Variants in PCDHA1 observed in about 807,000 individuals in gnomAD.
The protein encoded by PCDHA1 is protocadherin alpha 1, also known as protocadherin alpha-1.
PCDHA1 carries 42 observed loss-of-function variants against 61.3 expected under a neutral mutation model. That is an observed-to-expected ratio of 0.69 (90% CI 0.54 to 0.89). The LOEUF (loss-of-function observed/expected upper bound fraction) is 0.89, where lower values mean the gene tolerates loss of function less well. PCDHA1 is among the 40% of genes least tolerant of loss of function. PCDHA1 has a pLI of 0.00. For synonymous variants in PCDHA1, 610 were observed against 553.8 expected (o/e 1.10, Z -1.43); for missense variants, 1,256 against 1,235.3 (o/e 1.02, Z -0.25).
chr5:140,876,118 G>T, intron 1 of PCDHA1: 1 of 1,613,926 alleles, frequency 6.2e-7, no homozygotes, highest in South Asian at 1.1e-5. Context: ...GATGGTAATC[G>T]ATGGCGGTAA....
At chr5:140,808,138 A>G in intron 1 of PCDHA1, 1 of 1,614,100 alleles carries the variant, frequency 6.2e-7, no homozygotes, top group Non-Finnish European at 8.5e-7. Context: ...AATCCTATGA[A>G]ATTATTGTAG....
intron 1 of PCDHA1, chr5:140,871,391 C>T: frequency 6.2e-7 from 1 of 1,614,170 alleles, no homozygotes; most frequent in Non-Finnish European, 8.5e-7. Flanking sequence ...GAGGAGGGCC[C>T]ACCTAAGACG....
At chr5:140,873,657 C>CTA in intron 1 of PCDHA1, among the ~76,000 whole-genome samples, 1 of 152,206 alleles carries the variant, frequency 6.6e-6, no homozygotes, top group South Asian at 2.1e-4. Context: ...ACATAACACA[C>CTA]TATTATTATT....
chr5:140,969,339 A>AGTG (rs782647003), intron 1 of PCDHA1: 3 of 1,613,948 alleles, frequency 1.9e-6, no homozygotes, highest in African/African-American at 2.7e-5. Flanking sequence ...GAGGTGAGAC[A>AGTG]GTGGTCAGGG....
chr5:140,960,575 A>G (rs990834964), intron 1 of PCDHA1, among the ~76,000 whole-genome samples: 4 of 152,186 alleles, frequency 2.6e-5, no homozygotes, highest in Non-Finnish European at 2.9e-5. Flanking sequence ...AAACAGTTGG[A>G]AAACAGTTCA....
chr5:140,975,522 G>A (rs2096670563), intron 1 of PCDHA1, among the ~76,000 whole-genome samples: 1 of 152,128 alleles, frequency 6.6e-6, no homozygotes, highest in African/African-American at 2.4e-5. Context: ...ATCTGCAGTG[G>A]ATATATTCTT....
chr5:140,941,347 T>C (rs246069), intron 1 of PCDHA1, among the ~76,000 whole-genome samples: 97,460 of 130,222 alleles, frequency 0.75, 37,726 homozygotes, highest in African/African-American at 0.94. Context: ...GATGGAGTCT[T>C]GCTCTGTTGC....
chr5:140,896,256 C>T (rs1335099704), intron 1 of PCDHA1, among the ~76,000 whole-genome samples: 3 of 152,192 alleles, frequency 2.0e-5, no homozygotes, highest in Non-Finnish European at 4.4e-5. Flanking sequence ...TGGTTATGTA[C>T]ACAGTTATGG....
At chr5:140,892,324 C>T (rs1158961031) in intron 1 of PCDHA1, among the ~76,000 whole-genome samples, 3 of 152,308 alleles carry the variant, frequency 2.0e-5, no homozygotes, top group Non-Finnish European at 4.4e-5. Context: ...CATTTTCTTT[C>T]TCCAGAATGG....
At position 140,786,694 on chromosome 5, in the gene PCDHA1, G is replaced by T; in HGVS notation, c.404G>T (p.Gly135Val). The T allele has an allele frequency of 2.5e-6, 4 of 1,614,228 alleles. No individual in the cohort carries two copies. The highest frequency in any genetic ancestry group is 3.4e-6 in the Non-Finnish European group (4 of 1,180,042). Residue 135 changes from glycine (G) to valine (V), a missense_variant, in exon 1 of 4, where the codon GGC becomes GTC. By Grantham distance (109) the Gly-to-Val change is moderately radical. Transcript: ENST00000504120. ...DINDNPPVFR[G>V]REQIIFIPES... The stretch of plus-strand genomic sequence containing the variant: ...AACGATAATCCACCCGTCTTCAGGG[G>T]CAGAGAACAAATAATATTTATTCCT...
In PCDHA1 at chr5:140,877,669, G is replaced by A. The variant is rs548426920; in HGVS notation, c.2394+88985G>A. The A allele has an allele frequency of 1.4e-4, 219 of 1,613,638 alleles. 3 individuals are homozygous for A. The South Asian group carries it at 2.2e-3, about 17-fold the overall frequency. On this transcript the variant is annotated intron_variant, in intron 1 of 3. Coordinates refer to ENST00000504120, the MANE Select transcript of PCDHA1 (RefSeq NM_018900.4). ...AGCGCCGCCCACCGTGAGCCGGTGC[G>A]CGCCGGGCAAGCCCACGCTGGTGTG...
intron 1 of PCDHA1, chr5:140,929,034 C>T (rs561529051): frequency 2.5e-6 from 4 of 1,614,158 alleles, no homozygotes; most frequent in East Asian, 4.5e-5. Flanking sequence ...CAGGCTGTTG[C>T]GCTCAGAGCT....
At chr5:140,835,742 G>T in intron 1 of PCDHA1, 1 of 1,613,670 alleles carries the variant, frequency 6.2e-7, no homozygotes, top group Non-Finnish European at 8.5e-7. Flanking sequence ...ACAACGCCCC[G>T]GCGTTCGCGC....
At chr5:140,937,085 T>G (rs1386368270) in intron 1 of PCDHA1, among the ~76,000 whole-genome samples, 2 of 150,536 alleles carry the variant, frequency 1.3e-5, no homozygotes, top group African/African-American at 4.9e-5. Context: ...TCGCCCAGGC[T>G]GGAGTGCAGT....
Position 140,875,145 on chromosome 5 carries a change from T to A in PCDHA1, c.2394+86461T>A, listed in dbSNP as rs191347942. On this transcript the variant is annotated intron_variant, in intron 1 of 3. Coordinates refer to ENST00000504120, the MANE Select transcript of PCDHA1 (RefSeq NM_018900.4). ...TAACTAAACCCGCATTTATAAATGA[T>A]CCGTGAAAAATAACCCAAAGTCGAA... Among the ~76,000 whole-genome samples the A allele has an allele frequency of 3.1e-3, 468 of 152,306 alleles. 3 individuals are homozygous for A. The highest frequency in any genetic ancestry group is 0.014 in the Middle Eastern group (4 of 294).
At position 140,883,293 on chromosome 5, in the gene PCDHA1, A is replaced by G. The variant is rs1324977852; in HGVS notation, c.2394+94609A>G. On this transcript the variant is annotated intron_variant, in intron 1 of 3. Coordinates refer to ENST00000504120, the MANE Select transcript of PCDHA1 (RefSeq NM_018900.4). ...TGTACCCTTTTGGTGGAAGTACTAGATGTAAATGATAACGCCCCAGAGGTT... is the reference window on the plus strand; with the variant it reads ...TGTACCCTTTTGGTGGAAGTACTAGGTGTAAATGATAACGCCCCAGAGGTT... 2 of 1,614,102 alleles carry G rather than the reference A, an allele frequency of 1.2e-6. No homozygotes were observed. Among genetic ancestry groups the G allele is most frequent in the Non-Finnish European group, 1.7e-6 (2 of 1,180,026 alleles).
chr5:140,909,066 T>G (rs1554193625), intron 1 of PCDHA1, among the ~76,000 whole-genome samples: 1 of 152,200 alleles, frequency 6.6e-6, no homozygotes, highest in African/African-American at 2.4e-5. Flanking sequence ...GTCTCACCAA[T>G]AAGCCCAGTG....
chr5:140,893,384 G>T (rs2063960240), intron 1 of PCDHA1, among the ~76,000 whole-genome samples: 1 of 152,168 alleles, frequency 6.6e-6, no homozygotes, highest in South Asian at 2.1e-4. Flanking sequence ...ATGGGACAGT[G>T]GCTCATGCCT....
At chr5:140,847,099 C>T (rs1780855366) in intron 1 of PCDHA1, among the ~76,000 whole-genome samples, 1 of 149,656 alleles carries the variant, frequency 6.7e-6, no homozygotes. Context: ...TTGGTTAAAA[C>T]ACACAGTCTG....
Sources: allele counts gnomAD v4.1 joint callset (sites outside exome capture counted in the v4.1 genomes callset), GRCh38; gene constraint gnomAD v4.1.1; transcripts MANE v1.5; gene names NCBI Gene and HGNC (gene_info 2026-07-23, HGNC 2026-07-21).